The following NCKAP1 variants were observed in gnomAD, a reference collection of about 807,000 sequenced individuals.
NCKAP1 encodes the protein nck-associated protein 1.
Under a neutral mutation model 151.2 loss-of-function variants are expected in NCKAP1, and 21 were observed. That is an observed-to-expected ratio of 0.14 (90% confidence interval 0.10 to 0.20). The LOEUF (loss-of-function observed/expected upper bound fraction) is 0.20. NCKAP1 is among the 10% of genes least tolerant of loss of function. The pLI, the probability that NCKAP1 is intolerant of heterozygous loss-of-function variation, is 1.00. For synonymous variants in NCKAP1, 484 were observed against 451.8 expected (o/e 1.07, Z -0.90); for missense variants, 933 against 1,352.1 (o/e 0.69, Z 4.86).
intron 30 of NCKAP1, among the ~76,000 whole-genome samples, chr2:182,926,155 C>A (rs6730114): frequency 6.6e-6 from 1 of 151,648 alleles, no homozygotes; most frequent in Non-Finnish European, 1.5e-5. Flanking sequence ...TCAACTCTAC[C>A]TGGCAATCAA....
In NCKAP1 at chr2:182,952,900, TGTC is replaced by T; in HGVS notation, c.2393_2395del (p.Arg798del). 1 of 1,611,118 alleles carries T rather than the reference TGTC, an allele frequency of 6.2e-7. No homozygotes were observed. Among genetic ancestry groups the T allele is most frequent in the South Asian group, 1.1e-5 (1 of 90,132 alleles). ...ATATGCTATATGGCCATTGCTGACT[TGTC>T]GTAACAAAGTTTCCAAATACCTAAG... On this transcript the variant is annotated inframe_deletion, in exon 22 of 31. Transcript: ENST00000361354.
At chr2:183,000,325 A>T (rs532460868) in intron 6 of NCKAP1, among the ~76,000 whole-genome samples, 1 of 152,230 alleles carries the variant, frequency 6.6e-6, no homozygotes, top group African/African-American at 2.4e-5. Flanking sequence ...GCTAATGCCT[A>T]TATAGAACTT....
intron 18 of NCKAP1, among the ~76,000 whole-genome samples, chr2:182,961,624 A>C (rs573192246): frequency 6.6e-6 from 1 of 152,338 alleles, no homozygotes; most frequent in African/African-American, 2.4e-5. Flanking sequence ...GATATACCTA[A>C]TGTTAAATGA....
chr2:183,003,199 T>G (rs201556316), intron 3 of NCKAP1, 34 bp downstream of exon 3: 12 of 1,303,518 alleles, frequency 9.2e-6, no homozygotes, highest in Middle Eastern at 2.6e-4. Flanking sequence ...AATCTACTTC[T>G]GAAGTGTTAA....
At chr2:182,952,624 G>C (rs933779655) in intron 22 of NCKAP1, 122 bp from the exon 23 acceptor site, 6 of 1,072,336 alleles carry the variant, frequency 5.6e-6, no homozygotes, top group Non-Finnish European at 6.6e-6. Flanking sequence ...AAAGTCTCTA[G>C]AGTGAAAGAG....
At chr2:183,011,941 T>A (rs1329485880) in intron 2 of NCKAP1, among the ~76,000 whole-genome samples, 1 of 152,166 alleles carries the variant, frequency 6.6e-6, no homozygotes, top group Non-Finnish European at 1.5e-5. Context: ...AAACTATGAA[T>A]AATGTACTGA....
intron 2 of NCKAP1, among the ~76,000 whole-genome samples, chr2:183,022,092 T>C (rs942736658): frequency 3.9e-5 from 6 of 152,186 alleles, no homozygotes; most frequent in African/African-American, 1.4e-4. Flanking sequence ...AGATGCTTAA[T>C]TGGTCTGCTG....
Position 182,994,816 on chromosome 2 carries a change from T to TAAC in NCKAP1, c.790+20_790+22dup, listed in dbSNP as rs759603508. On this transcript the variant is annotated intron_variant, in intron 8 of 30. Transcript: ENST00000361354. ...AAACATAAAGCCTGGGGAGTAATCA[T>TAAC]AACACTAACCCATTTTACTTACAGA... 1.9e-6 allele frequency: 3 copies of TAAC among 1,579,938 alleles called. No homozygotes were observed. The Admixed American group carries it at 5.0e-5, about 26-fold the overall frequency.
At chr2:183,006,398 TAATAA>T (rs1293970494) in intron 2 of NCKAP1, among the ~76,000 whole-genome samples, 1 of 152,162 alleles carries the variant, frequency 6.6e-6, no homozygotes, top group East Asian at 1.9e-4. Flanking sequence ...AAAATAAATA[TAATAA>T]AACTTTAATA....
At chr2:182,966,577 C>T (rs542712383) in intron 16 of NCKAP1, among the ~76,000 whole-genome samples, 10 of 152,280 alleles carry the variant, frequency 6.6e-5, no homozygotes, top group South Asian at 2.1e-4. Flanking sequence ...TGAGCCACCG[C>T]GCCTGGCCAC....
Position 182,945,160 on chromosome 2 carries a change from G to A in NCKAP1, c.2602-2997C>T, listed in dbSNP as rs185179502. Among the ~76,000 whole-genome samples, 296 of 152,122 alleles carry A rather than the reference G, an allele frequency of 1.9e-3. 1 individual carries two copies. The highest frequency in any genetic ancestry group is 6.7e-3 in the African/African-American group (277 of 41,514). ...TGAGGCAGGAGAATCGCCTGAACCCGGGAGGCAGAGGTTGTAGTGAGCTGA... is the reference window on the plus strand; with the variant it reads ...TGAGGCAGGAGAATCGCCTGAACCCAGGAGGCAGAGGTTGTAGTGAGCTGA... On this transcript the variant is annotated intron_variant, in intron 23 of 30. Transcript: ENST00000361354.
At chr2:182,928,292 T>C in intron 28 of NCKAP1, 66 bp from the exon 29 acceptor site, 1 of 1,112,228 alleles carries the variant, frequency 9.0e-7, no homozygotes, top group Non-Finnish European at 1.3e-6. Flanking sequence ...AGGCAAATCT[T>C]TAATGACTTC....
In NCKAP1 at chr2:182,989,202, A is replaced by G; in HGVS notation, c.791-16T>C. On this transcript the variant is annotated splice_polypyrimidine_tract_variant and intron_variant, in intron 8 of 30. Transcript: ENST00000361354. ...ATAAAGCCAACTTTAAATAAAAAGA[A>G]AGCAAATACAAATGTAAATGTACAA... is the stretch of plus-strand genomic sequence containing the variant. The G allele has an allele frequency of 6.4e-7, 1 of 1,569,736 alleles. No individual in the cohort carries two copies. Among genetic ancestry groups the G allele is most frequent in the Non-Finnish European group, 8.6e-7 (1 of 1,160,160 alleles).
chr2:182,949,802 TAAAC>T (rs1697179900), intron 23 of NCKAP1, among the ~76,000 whole-genome samples: 1 of 152,126 alleles, frequency 6.6e-6, no homozygotes, highest in South Asian at 2.1e-4. Flanking sequence ...CTCCAACAAA[TAAAC>T]AAACAAAGCT....
Position 182,919,259 on chromosome 2 carries a change from C to T in NCKAP1, c.*6443G>A, listed in dbSNP as rs2054516743. On this transcript the variant is annotated 3_prime_UTR_variant, in exon 31 of 31. Transcript: ENST00000361354. ...TCTGCCATCTGGGCCTTGCTTCAGA[C>T]TGCAAAGACCCTTGTACCTTTTGGC... is the stretch of plus-strand genomic sequence containing the variant. 1 of 152,234 alleles carries T rather than the reference C, an allele frequency of 6.6e-6. No individual in the cohort carries two copies. The highest frequency in any genetic ancestry group is 2.4e-5 in the African/African-American group (1 of 41,462). 9.4% of individuals were successfully genotyped at this position (152,234 alleles called of 1,614,324 possible).
At chr2:182,937,025 G>C (rs1696889519) in intron 24 of NCKAP1, among the ~76,000 whole-genome samples, 1 of 143,820 alleles carries the variant, frequency 7.0e-6, no homozygotes, top group African/African-American at 2.6e-5. Context: ...TGAGGCAGGA[G>C]AATGTCTTGA....
chr2:182,986,150 G>A lies in NCKAP1; in HGVS notation c.1004+21C>T, dbSNP rs201859357. On this transcript the variant is annotated intron_variant, in intron 10 of 30. Transcript: ENST00000361354. ...AATTTTTCTTGATTAAAGCTACCAC[G>A]GATAAAATAAAACTACTCACGCATG... 114 of 1,609,126 alleles carry A rather than the reference G, an allele frequency of 7.1e-5. No individual in the cohort carries two copies. In the African/African-American group the frequency reaches 1.2e-3, roughly 17 times the overall value.
rs149105361 is a variant in NCKAP1, at chr2:182,966,783, A to G, written c.1628+433T>C. ...AGAAAAAGAGAATGAAGCACAATGC[A>G]GGAGGTAGTCACCACATCATCTTCA... On this transcript the variant is annotated intron_variant, in intron 16 of 30. Transcript: ENST00000361354. Among the ~76,000 whole-genome samples, 35 of 152,366 alleles carry G rather than the reference A, an allele frequency of 2.3e-4. No homozygotes were observed. In the East Asian group the frequency reaches 6.8e-3, roughly 29 times the overall value.
intron 2 of NCKAP1, among the ~76,000 whole-genome samples, chr2:183,006,949 GC>G (rs1698483177): frequency 6.6e-6 from 1 of 151,852 alleles, no homozygotes; most frequent in South Asian, 2.1e-4. Context: ...TCGGCTCACT[GC>G]AATCTCTGCC....
Sources: gnomAD v4.1 joint callset for allele counts (sites outside exome capture counted in the v4.1 genomes callset) on GRCh38, gnomAD v4.1.1 for gene constraint, MANE v1.5 for transcripts, NCBI Gene and HGNC (gene_info 2026-07-23, HGNC 2026-07-21) for gene names.